The following RNF121 variants were observed in gnomAD, a reference collection of about 807,000 sequenced individuals.
RNF121 encodes ring finger protein 121, also known as E3 ubiquitin ligase RNF121.
In RNF121, 21 loss-of-function variants were observed where a neutral mutation model predicts 46.5. The ratio of observed to expected loss-of-function variants is 0.45; its 90% CI spans 0.32 to 0.65. The LOEUF (loss-of-function observed/expected upper bound fraction) is 0.65. RNF121 is among the 30% of genes least tolerant of loss of function. The pLI, the probability that RNF121 is intolerant of heterozygous loss-of-function variation, is 0.04. For missense variants in RNF121, 346 were observed against 416.0 expected, an observed-to-expected ratio of 0.83 and a Z score of 1.46; for synonymous variants, 139 against 144.7, an observed-to-expected ratio of 0.96 and a Z score of 0.28.
intron 3 of RNF121, among the ~76,000 whole-genome samples, chr11:71,971,240 C>G (rs1954414113): frequency 6.6e-6 from 1 of 151,800 alleles, no homozygotes. Flanking sequence ...AAAAATTAGC[C>G]AGGTGTGATG....
chr11:71,944,842 A>C (rs1460039170), intron 1 of RNF121, among the ~76,000 whole-genome samples: 1 of 152,206 alleles, frequency 6.6e-6, no homozygotes, highest in Non-Finnish European at 1.5e-5. Flanking sequence ...TTCTGGTACT[A>C]CCAGCCATGA....
Position 71,997,240 on chromosome 11 carries a change from A to C in RNF121, c.*925A>C, listed in dbSNP as rs999527833. 3.3e-5 allele frequency: 5 copies of C among 152,150 alleles called. No individual in the cohort carries two copies. The highest frequency in any genetic ancestry group is 5.9e-5 in the Non-Finnish European group (4 of 68,056). 9.4% of individuals were successfully genotyped at this position (152,150 alleles called of 1,614,324 possible). ...TGTGTGTGTGTGTACGTGAGGCAGA[A>C]GAATATGACAGATGTCAGCTTCTCC... On this transcript the variant is annotated 3_prime_UTR_variant, in exon 9 of 9. Transcript: ENST00000361756.
chr11:71,970,612 T>C (rs1954401767), intron 3 of RNF121, among the ~76,000 whole-genome samples: 2 of 152,044 alleles, frequency 1.3e-5, no homozygotes, highest in African/African-American at 4.8e-5. Flanking sequence ...CAGTAAACTA[T>C]GATCACGTCA....
rs536678794 is a variant in RNF121, at chr11:71,936,510, C to G, written c.63+7386C>G. Reference sequence around the variant, plus strand: ...GTTCACACCATTCTCCTGCCTCAGCCTCCCGAGTAGCTGGGACTACAGGTG... The same window carrying G: ...GTTCACACCATTCTCCTGCCTCAGCGTCCCGAGTAGCTGGGACTACAGGTG... On this transcript the variant is annotated intron_variant, in intron 1 of 8. Transcript: ENST00000361756. Among the ~76,000 whole-genome samples, 570 of 152,212 alleles carry G rather than the reference C, an allele frequency of 3.7e-3. 2 individuals carry two copies. Among genetic ancestry groups the G allele is most frequent in the African/African-American group, 0.013 (551 of 41,510 alleles).
intron 1 of RNF121, among the ~76,000 whole-genome samples, chr11:71,949,957 C>T (rs867378291): frequency 3.3e-5 from 5 of 151,826 alleles, no homozygotes; most frequent in East Asian, 1.9e-4. Flanking sequence ...GCCAAGATTG[C>T]GCCAGTGCAC....
chr11:71,971,878 C>G (rs561784474), intron 3 of RNF121, among the ~76,000 whole-genome samples: 1 of 152,036 alleles, frequency 6.6e-6, no homozygotes, highest in Non-Finnish European at 1.5e-5. Flanking sequence ...GCTGAGTCAG[C>G]GAATATACAC....
chr11:71,929,679 A>G (rs1188685178), intron 1 of RNF121, among the ~76,000 whole-genome samples: 1 of 152,224 alleles, frequency 6.6e-6, no homozygotes. Flanking sequence ...TGAAGGAACA[A>G]GTGGATGAAT....
intron 8 of RNF121, 31 bp from the exon 9 acceptor site, chr11:71,996,162 GCA>G (rs1282084327): frequency 1.2e-6 from 2 of 1,612,726 alleles, no homozygotes; most frequent in East Asian, 2.2e-5. Context: ...GGCAGCTCTT[GCA>G]CAGAGTCTCT....
intron 4 of RNF121, among the ~76,000 whole-genome samples, chr11:71,986,353 T>G (rs529054184): frequency 6.6e-6 from 1 of 152,322 alleles, no homozygotes; most frequent in African/African-American, 2.4e-5. Flanking sequence ...TGAGCATAGT[T>G]GTGTTTAATA....
At chr11:71,995,676 G>T in intron 8 of RNF121, 125 bp downstream of exon 8, 1 of 720,250 alleles carries the variant, frequency 1.4e-6, no homozygotes. Context: ...TCAAACCATG[G>T]TGGGAAGCTG....
intron 1 of RNF121, among the ~76,000 whole-genome samples, chr11:71,932,896 A>C (rs2134140863): frequency 6.6e-6 from 1 of 152,216 alleles, no homozygotes; most frequent in African/African-American, 2.4e-5. Context: ...ATTCTGCTGA[A>C]CCCCTTTTCA....
chr11:71,981,701 C>T (rs1469637109), intron 3 of RNF121, among the ~76,000 whole-genome samples: 1 of 152,180 alleles, frequency 6.6e-6, no homozygotes, highest in Non-Finnish European at 1.5e-5. Context: ...GAGAGTAAAA[C>T]AGGCACTCTT....
At chr11:71,969,364 A>G (rs1403823996) in intron 3 of RNF121, among the ~76,000 whole-genome samples, 1 of 152,222 alleles carries the variant, frequency 6.6e-6, no homozygotes, top group Non-Finnish European at 1.5e-5. Flanking sequence ...AACTATAGCT[A>G]CAAATAATGG....
intron 4 of RNF121, 66 bp from the exon 5 acceptor site, chr11:71,986,938 G>A (rs1954783180): frequency 7.7e-6 from 7 of 907,880 alleles, no homozygotes; most frequent in Non-Finnish European, 1.3e-5. Flanking sequence ...AAAGGATTCT[G>A]GTGATCAGGA....
rs191713169 is a variant in RNF121, at chr11:71,951,568, A to T, written c.64-5659A>T. Among the ~76,000 whole-genome samples, 14 of 151,362 alleles carry T rather than the reference A, an allele frequency of 9.2e-5. No homozygotes were observed. In the East Asian group the frequency reaches 2.7e-3, roughly 30 times the overall value. On this transcript the variant is annotated intron_variant, in intron 1 of 8. Coordinates refer to ENST00000361756, the MANE Select transcript of RNF121 (RefSeq NM_018320.5). The stretch of plus-strand genomic sequence containing the variant: ...TTGAGCCCAGGGATTTGAGGCTCTA[A>T]TGTACAATGATCATGCCTGTGAATA...
At chr11:71,936,259 C>T (rs1438809686) in intron 1 of RNF121, among the ~76,000 whole-genome samples, 1 of 152,090 alleles carries the variant, frequency 6.6e-6, no homozygotes, top group African/African-American at 2.4e-5. Flanking sequence ...TTACATATAA[C>T]CTCTTATTCC....
chr11:71,930,888 A>G (rs1423429462), intron 1 of RNF121, among the ~76,000 whole-genome samples: 6 of 152,326 alleles, frequency 3.9e-5, no homozygotes, highest in Admixed American at 3.3e-4. Context: ...GCTGGAGTGC[A>G]GTATTGCAAT....
At chr11:71,932,932 T>C (rs1214679899) in intron 1 of RNF121, among the ~76,000 whole-genome samples, 1 of 152,196 alleles carries the variant, frequency 6.6e-6, no homozygotes, top group East Asian at 1.9e-4. Context: ...CTGTTGGTAG[T>C]TAGGGAGAGG....
chr11:71,985,568 G>T (rs972294227), intron 4 of RNF121, among the ~76,000 whole-genome samples: 5 of 152,118 alleles, frequency 3.3e-5, no homozygotes, highest in African/African-American at 7.2e-5. Context: ...CCTTTCCCTA[G>T]CCTGAGAAAC....
Sources: gnomAD v4.1 joint callset for allele counts (sites outside exome capture counted in the v4.1 genomes callset) on GRCh38, gnomAD v4.1.1 for gene constraint, MANE v1.5 for transcripts, NCBI Gene and HGNC (gene_info 2026-07-23, HGNC 2026-07-21) for gene names.